Variants in ST8SIA1 observed in about 807,000 individuals in gnomAD.
ST8SIA1 encodes alpha-N-acetylneuraminide alpha-2,8-sialyltransferase.
ST8SIA1 carries 16 observed loss-of-function variants against 35.9 expected under a neutral mutation model. That is an observed-to-expected ratio of 0.45 (90% CI 0.30 to 0.68). The LOEUF (loss-of-function observed/expected upper bound fraction) is 0.68, where lower values mean the gene tolerates loss of function less well. Among genes scored for constraint, ST8SIA1 ranks in the 30% least tolerant of loss-of-function variants. ST8SIA1 has a pLI of 0.09. For synonymous variants in ST8SIA1, 170 were observed against 169.6 expected (o/e 1.00, Z -0.02); for missense variants, 383 against 453.6 (o/e 0.84, Z 1.41).
intron 4 of ST8SIA1, among the ~76,000 whole-genome samples, chr12:22,217,227 C>G (rs1865243531): frequency 6.6e-6 from 1 of 152,090 alleles, no homozygotes; most frequent in Non-Finnish European, 1.5e-5. Context: ...CCCTTTTGAA[C>G]TTCTCAGAAG....
chr12:22,255,437 C>A (rs745992908), intron 2 of ST8SIA1, 48 bp from the exon 3 acceptor site: 1 of 1,478,644 alleles, frequency 6.8e-7, no homozygotes, highest in Non-Finnish European at 9.5e-7. Flanking sequence ...AACACACAAC[C>A]GCTCACAAAA....
At chr12:22,247,711 C>G (rs1157800539) in intron 4 of ST8SIA1, among the ~76,000 whole-genome samples, 3 of 150,632 alleles carry the variant, frequency 2.0e-5, no homozygotes, top group African/African-American at 7.3e-5. Flanking sequence ...ATAAAAGAAG[C>G]CATAAAGGAA....
At chr12:22,209,211 G>C (rs1293898821) in intron 4 of ST8SIA1, among the ~76,000 whole-genome samples, 5 of 152,022 alleles carry the variant, frequency 3.3e-5, no homozygotes, top group African/African-American at 4.8e-5. Context: ...TAGTATCAAG[G>C]ATACAAATGA....
At chr12:22,284,048 C>T (rs2135814405) in intron 2 of ST8SIA1, among the ~76,000 whole-genome samples, 1 of 152,290 alleles carries the variant, frequency 6.6e-6, no homozygotes, top group South Asian at 2.1e-4. Flanking sequence ...GATGTGGCAT[C>T]TCAATTCACA....
At chr12:22,245,551 T>A (rs570087662) in intron 4 of ST8SIA1, among the ~76,000 whole-genome samples, 1 of 152,376 alleles carries the variant, frequency 6.6e-6, no homozygotes, top group African/African-American at 2.4e-5. Context: ...GTGCAACACA[T>A]GAATCATGGA....
At chr12:22,327,676 A>G (rs2135846902) in intron 1 of ST8SIA1, among the ~76,000 whole-genome samples, 1 of 152,292 alleles carries the variant, frequency 6.6e-6, no homozygotes, top group South Asian at 2.1e-4. Flanking sequence ...GGGGAACATT[A>G]GTGAAAATCT....
intron 2 of ST8SIA1, among the ~76,000 whole-genome samples, chr12:22,278,291 T>C (rs1392956191): frequency 1.3e-5 from 2 of 152,358 alleles, no homozygotes; most frequent in South Asian, 2.1e-4. Flanking sequence ...ACTGTGTTTT[T>C]TTCTTGAGTC....
At chr12:22,304,618 A>C (rs185776923) in intron 1 of ST8SIA1, among the ~76,000 whole-genome samples, 1 of 152,246 alleles carries the variant, frequency 6.6e-6, no homozygotes, top group Admixed American at 6.5e-5. Context: ...TTATTGACTA[A>C]AATAATTATT....
At chr12:22,309,174 C>G (rs909038677) in intron 1 of ST8SIA1, among the ~76,000 whole-genome samples, 2 of 152,174 alleles carry the variant, frequency 1.3e-5, no homozygotes, top group East Asian at 1.9e-4. Context: ...AAACTAAGTT[C>G]TTGGCCATGA....
At chr12:22,241,634 A>C (rs1591832451) in intron 4 of ST8SIA1, among the ~76,000 whole-genome samples, 1 of 123,698 alleles carries the variant, frequency 8.1e-6, no homozygotes. Flanking sequence ...ATGGAGTCTC[A>C]CTCTGTCACC....
rs1178848455 is a variant in ST8SIA1, at chr12:22,249,089, G to T, written c.501C>A (p.Leu167=). The T allele has an allele frequency of 2.5e-6, 4 of 1,611,114 alleles. No homozygotes were observed. Among genetic ancestry groups the T allele is most frequent in the Non-Finnish European group, 3.4e-6 (4 of 1,177,584 alleles). Residue 167 remains leucine, a synonymous_variant, in exon 4 of 5, where the codon CTC becomes CTA. Coordinates refer to ENST00000396037, the MANE Select transcript of ST8SIA1 (RefSeq NM_003034.4). ...DEANFVMRCN[L]PPLSSEYTKD... ...TAGTGTATTCACTTGACAAAGGAGG[G>T]AGATTGCATCTAGAGAAACAAGAAC...
intron 2 of ST8SIA1, among the ~76,000 whole-genome samples, chr12:22,282,169 A>G (rs1866044869): frequency 6.6e-6 from 1 of 152,210 alleles, no homozygotes; most frequent in South Asian, 2.1e-4. Context: ...AATAAACCAT[A>G]GAGTAAACAC....
chr12:22,287,499 A>G (rs1302404593), intron 1 of ST8SIA1, among the ~76,000 whole-genome samples: 1 of 152,104 alleles, frequency 6.6e-6, no homozygotes, highest in Non-Finnish European at 1.5e-5. Context: ...AAAAAAAAAA[A>G]AAAAAAGTTT....
At position 22,201,429 on chromosome 12, in the gene ST8SIA1, C is replaced by T. The variant is rs1591822072; in HGVS notation, c.*123G>A. On this transcript the variant is annotated 3_prime_UTR_variant, in exon 5 of 5. Transcript: ENST00000396037. ...TAAAGTTTTGCTTGGATCTTCATTG[C>T]TCCTTTCCTGTTTTTCCAAGGGCCC... 3.0e-6 allele frequency: 4 copies of T among 1,349,490 alleles called. No individual in the cohort carries two copies. The highest frequency in any genetic ancestry group is 4.8e-5 in the Admixed American group (2 of 41,884). 83.6% of individuals were successfully genotyped at this position (1,349,490 alleles called of 1,614,324 possible). A position where few individuals can be genotyped will look rare whatever the true frequency, so the allele number is the denominator to read the frequency against.
intron 4 of ST8SIA1, among the ~76,000 whole-genome samples, chr12:22,228,743 T>C (rs1008738789): frequency 6.6e-6 from 1 of 152,082 alleles, no homozygotes; most frequent in African/African-American, 2.4e-5. Flanking sequence ...GTGGGGATGA[T>C]GACCCGAGAT....
intron 4 of ST8SIA1, among the ~76,000 whole-genome samples, chr12:22,205,572 GATTCATACTTCACGAGACA>G (rs1414716508): frequency 6.6e-6 from 1 of 152,044 alleles, no homozygotes; most frequent in Non-Finnish European, 1.5e-5. Flanking sequence ...AGAGGGAACA[GATTCATACTTCACGAGACA>G]ATTACCAAAT....
At position 22,196,336 on chromosome 12, in the gene ST8SIA1, T is replaced by C. The variant is rs1864987970; in HGVS notation, c.*5216A>G. 1 of 152,200 alleles carries C rather than the reference T, an allele frequency of 6.6e-6. No homozygotes were observed. The highest frequency in any genetic ancestry group is 2.1e-4 in the South Asian group (1 of 4,830). 9.4% of individuals were successfully genotyped at this position (152,200 alleles called of 1,614,324 possible). On this transcript the variant is annotated 3_prime_UTR_variant, in exon 5 of 5. Transcript: ENST00000396037. ...ACTGAAATGGTGAGCAGGGGCTGTGTTATGTTTCAATAAGCTTTTCATTCA... is the reference window on the plus strand; with the variant it reads ...ACTGAAATGGTGAGCAGGGGCTGTGCTATGTTTCAATAAGCTTTTCATTCA...
In ST8SIA1 at chr12:22,323,146, G is replaced by A. The variant is rs1866624943; in HGVS notation, c.236+10851C>T. Among the ~76,000 whole-genome samples the A allele has an allele frequency of 2.0e-5, 3 of 152,280 alleles. No homozygotes were observed. In the South Asian group the frequency reaches 6.2e-4, roughly 32 times the overall value. The stretch of plus-strand genomic sequence containing the variant: ...CACTACATAAATTCCTCATAGCTGG[G>A]TCTCTGCAATCCCAAATGAAGGGTT... On this transcript the variant is annotated intron_variant, in intron 1 of 4. Transcript: ENST00000396037.
chr12:22,320,943 A>AAG (rs764384034), intron 1 of ST8SIA1, among the ~76,000 whole-genome samples: 141 of 73,588 alleles, frequency 1.9e-3, no homozygotes, highest in South Asian at 7.9e-3. Flanking sequence ...GAAAGAAAGA[A>AAG]AGAAAGAAAG....
Sources: allele counts gnomAD v4.1 joint callset (sites outside exome capture counted in the v4.1 genomes callset), GRCh38; gene constraint gnomAD v4.1.1; transcripts MANE v1.5; gene names NCBI Gene and HGNC (gene_info 2026-07-23, HGNC 2026-07-21).